The following SELENOM variants were observed in gnomAD, a reference collection of about 807,000 sequenced individuals.
The protein encoded by SELENOM is selenoprotein SelM.
Under a neutral mutation model 14.5 loss-of-function variants are expected in SELENOM, and 17 were observed. That is an observed-to-expected ratio of 1.17 (90% CI 0.80 to 1.76). The LOEUF is 1.76. SELENOM is among the 40% of genes most tolerant of loss of function. The pLI, the probability that SELENOM is intolerant of heterozygous loss-of-function variation, is 0.00. For missense variants in SELENOM, 230 were observed against 204.6 expected (o/e 1.12, Z -0.76); for synonymous variants, 102 against 93.3 (o/e 1.09, Z -0.54).
Position 31,107,494 on chromosome 22 carries a change from C to T in SELENOM, c.12G>A (p.Leu4=), listed in dbSNP as rs1006996819. The change falls in exon 1 of 5, where the codon CTG becomes CTA. Residue 4 remains leucine, a synonymous_variant. Transcript: ENST00000400299. ...GCAGCAGCAGCGCCAGCGGAGGCAACAGGAGGCTCATCGGGACCCGGCCGC... is the reference window on the plus strand; with the variant it reads ...GCAGCAGCAGCGCCAGCGGAGGCAATAGGAGGCTCATCGGGACCCGGCCGC... MSL[L]LPPLALLLLL... The T allele has an allele frequency of 6.4e-7, 1 of 1,552,248 alleles. No homozygotes were observed. Among genetic ancestry groups the T allele is most frequent in the Non-Finnish European group, 8.7e-7 (1 of 1,151,054 alleles).
chr22:31,105,565 C>A, intron 3 of SELENOM, 93 bp downstream of exon 3: 1 of 1,280,880 alleles, frequency 7.8e-7, no homozygotes, highest in South Asian at 1.2e-5. Flanking sequence ...TTCAACTTGT[C>A]AGTTGAAAAC....
Position 31,105,264 on chromosome 22 carries a change from G to A in SELENOM, c.223C>T (p.Leu75Phe). The A allele has an allele frequency of 6.2e-7, 1 of 1,612,486 alleles. No homozygotes were observed. The highest frequency in any genetic ancestry group is 8.5e-7 in the Non-Finnish European group (1 of 1,179,466). The change falls in exon 4 of 5, where the codon CTC becomes TTC. Residue 75 changes from leucine to phenylalanine, a missense_variant. By Grantham distance (22) the Leu-to-Phe change is conservative. Transcript: ENST00000400299. ...ACGAGCTCAGGGTCGGCCCCAGGGA[G>A]GTGTTTCATCACCAGGTTGTGACTG... Reference protein sequence around the residue: ...PFYHNLVMKHLPGADPELVLL... With the variant: ...PFYHNLVMKHFPGADPELVLL...
At chr22:31,106,077 G>A (rs1490432607) in intron 1 of SELENOM, 112 bp from the exon 2 acceptor site, 5 of 938,784 alleles carry the variant, frequency 5.3e-6, no homozygotes, top group Admixed American at 3.6e-5. Flanking sequence ...AGTTATCCCC[G>A]GATCAGCAGT....
chr22:31,104,900 G>C lies in SELENOM; in HGVS notation c.*70C>G. 5 of 1,441,820 alleles carry C rather than the reference G, an allele frequency of 3.5e-6. No homozygotes were observed. Among genetic ancestry groups the C allele is most frequent in the Non-Finnish European group, 4.6e-6 (5 of 1,085,802 alleles). The allele number at this position is 1,441,820 out of a possible 1,614,324, so 89.3% of individuals were successfully genotyped here. ...GCTCTCAGCAAGAGAAGTATTCCCG[G>C]GATGCTGAGCGCTTCATTCTGTCTC... is the stretch of plus-strand genomic sequence containing the variant. On this transcript the variant is annotated 3_prime_UTR_variant, in exon 5 of 5. Coordinates refer to ENST00000400299, the MANE Select transcript of SELENOM (RefSeq NM_080430.4).
rs1446903046 is a variant in SELENOM at position 31,107,448 on chromosome 22, G to A, written c.58C>T (p.Pro20Ser). 7 of 1,568,626 alleles carry A rather than the reference G, an allele frequency of 4.5e-6. No individual in the cohort carries two copies. The highest frequency in any genetic ancestry group is 6.0e-6 in the Non-Finnish European group (7 of 1,159,322). ...CGGTAGGCAGTGGCGGCTGTGGCTGGGGCCACAAGCGCCGCGAGAAGCAGC... is the reference window on the plus strand; with the variant it reads ...CGGTAGGCAGTGGCGGCTGTGGCTGAGGCCACAAGCGCCGCGAGAAGCAGC... The part of the protein sequence containing the change: ...LLLLLAALVA[P>S]ATAATAYRPD... The change falls in exon 1 of 5, where the codon CCA becomes TCA. Residue 20 changes from proline to serine, a missense_variant. By Grantham distance (74) the Pro-to-Ser change is moderately conservative. Transcript: ENST00000400299.
intron 1 of SELENOM, 170 bp downstream of exon 1, chr22:31,107,207 G>T: frequency 2.4e-6 from 2 of 821,736 alleles, no homozygotes; most frequent in Non-Finnish European, 3.6e-6. Context: ...CTTCCACGGT[G>T]GATGCTGGGG....
At chr22:31,105,746 G>A in intron 2 of SELENOM, 54 bp from the exon 3 acceptor site, 1 of 1,596,630 alleles carries the variant, frequency 6.3e-7, no homozygotes, top group South Asian at 1.1e-5. Flanking sequence ...TCGAGGTACA[G>A]ACGAGACACT....
chr22:31,105,899 C>T (rs1171049378), intron 2 of SELENOM, 31 bp downstream of exon 2: 3 of 1,611,324 alleles, frequency 1.9e-6, no homozygotes, highest in South Asian at 1.1e-5. Flanking sequence ...TCAGGGGGAA[C>T]AGAGCTAGGG....
Position 31,105,033 on chromosome 22 carries a change from G to A in SELENOM, c.375C>T (p.Pro125=), listed in dbSNP as rs765494644. 9 of 1,611,410 alleles carry A rather than the reference G, an allele frequency of 5.6e-6. No individual in the cohort carries two copies. Among genetic ancestry groups the A allele is most frequent in the Middle Eastern group, 1.7e-4 (1 of 6,044 alleles). Residue 125 remains proline, a synonymous_variant, in exon 5 of 5, where the codon CCC becomes CCT. Transcript: ENST00000400299. ...TCGCGGGCGCCCACACGTACTCGGG[G>A]GGCACCTGCGCGTCGGGCGCCGCCT... ...YRKAAPDAQV[P]PEYVWAPAKP... is the part of the protein sequence containing the mutation.
chr22:31,107,492 A>G lies in SELENOM; in HGVS notation c.14T>C (p.Leu5Ser). 3 of 1,553,588 alleles carry G rather than the reference A, an allele frequency of 1.9e-6. No homozygotes were observed. The highest frequency in any genetic ancestry group is 2.6e-6 in the Non-Finnish European group (3 of 1,151,634). ...AAGCAGCAGCAGCGCCAGCGGAGGC[A>G]ACAGGAGGCTCATCGGGACCCGGCC... is the stretch of plus-strand genomic sequence containing the variant. The part of the protein sequence containing the change: MSLL[L>S]PPLALLLLLA... Residue 5 changes from leucine to serine, a missense_variant, in exon 1 of 5, where the codon TTG becomes TCG. By Grantham distance (145) the Leu-to-Ser change is moderately radical. Transcript: ENST00000400299.
chr22:31,104,837 C>CT lies in SELENOM; in HGVS notation c.*132_*133insA, dbSNP rs2044368825. 9.6e-7 allele frequency: 1 copy of CT among 1,040,926 alleles called. No homozygotes were observed. Among genetic ancestry groups the CT allele is most frequent in the Non-Finnish European group, 1.3e-6 (1 of 741,850 alleles). The allele number at this position is 1,040,926 out of a possible 1,614,324, so 64.5% of individuals were successfully genotyped here. ...GAAGAAAGTGGGGTTGGGAGAACCT[C>CT]CCCAACCCCATCCCTGCTGGCCCGG... On this transcript the variant is annotated 3_prime_UTR_variant, in exon 5 of 5. Transcript: ENST00000400299.
At chr22:31,105,396 C>G in intron 3 of SELENOM, 110 bp from the exon 4 acceptor site, 2 of 1,158,982 alleles carry the variant, frequency 1.7e-6, no homozygotes, top group Non-Finnish European at 2.5e-6. Flanking sequence ...ACTCTGTGCC[C>G]GGGAGGGGCC....
At position 31,105,670 on chromosome 22, in the gene SELENOM, T is replaced by C; in HGVS notation, c.188A>G (p.Asp63Gly). Residue 63 changes from aspartate to glycine, a missense_variant, in exon 3 of 5, where the codon GAC becomes GGC. By Grantham distance (94) the Asp-to-Gly change is moderately conservative. Coordinates refer to ENST00000400299, the MANE Select transcript of SELENOM (RefSeq NM_080430.4). ...LKEVKAFVTQ[D>G]IPFYHNLVMK... ...AACAGAAGGATACTAGAATGGAATGTCCTGCGTGACGAAAGCCTTCACCTG... is the reference window on the plus strand; with the variant it reads ...AACAGAAGGATACTAGAATGGAATGCCCTGCGTGACGAAAGCCTTCACCTG... 6.2e-7 allele frequency: 1 copy of C among 1,614,080 alleles called. No individual in the cohort carries two copies. Among genetic ancestry groups the C allele is most frequent in the Non-Finnish European group, 8.5e-7 (1 of 1,179,954 alleles).
intron 3 of SELENOM, 34 bp from the exon 4 acceptor site, chr22:31,105,320 AG>A: frequency 6.3e-7 from 1 of 1,581,284 alleles, no homozygotes. Flanking sequence ...GGTGGTGGGC[AG>A]AGGGAGGTGG....
At position 31,105,095 on chromosome 22, in the gene SELENOM, TCTC is replaced by T. The variant is rs759285825; in HGVS notation, c.310_312del (p.Glu104del). On this transcript the variant is annotated inframe_deletion, in exon 5 of 5. Transcript: ENST00000400299. ...CCGAGCTCCTGCACTAGCGCATTGA[TCTC>T]TTCGCGGGTCATTTCACTGAGTGGG... 16 of 1,613,206 alleles carry T rather than the reference TCTC, an allele frequency of 9.9e-6. No homozygotes were observed. The highest frequency in any genetic ancestry group is 1.4e-5 in the Non-Finnish European group (16 of 1,179,824).
At position 31,105,930 on chromosome 22, in the gene SELENOM, C is replaced by T; in HGVS notation, c.165G>A (p.Glu55=). ...CGGUQLNRLK[E]VKAFVTQDIP... is the part of the protein sequence containing the mutation. ...TAGGGACCTCTTCCTTCAAACTCAC[C>T]TCCTTTAGGCGGTTCAGCTGTCATC... Residue 55 remains glutamate, a splice_region_variant and synonymous_variant, in exon 2 of 5, where the codon GAG becomes GAA. Coordinates refer to ENST00000400299, the MANE Select transcript of SELENOM (RefSeq NM_080430.4). 1 of 1,614,072 alleles carries T rather than the reference C, an allele frequency of 6.2e-7. No individual in the cohort carries two copies. Among genetic ancestry groups the T allele is most frequent in the Non-Finnish European group, 8.5e-7 (1 of 1,179,942 alleles).
At position 31,105,081 on chromosome 22, in the gene SELENOM, C is replaced by A. The variant is rs1419283478; in HGVS notation, c.327G>T (p.Val109=). 1.2e-6 allele frequency: 2 copies of A among 1,612,990 alleles called. No homozygotes were observed. Among genetic ancestry groups the A allele is most frequent in the Admixed American group, 3.3e-5 (2 of 59,894 alleles). ...EMTREEINAL[V]QELGFYRKAA... Reference sequence around the variant, plus strand: ...CCTTGCGGTAGAAGCCGAGCTCCTGCACTAGCGCATTGATCTCTTCGCGGG... The same window carrying A: ...CCTTGCGGTAGAAGCCGAGCTCCTGAACTAGCGCATTGATCTCTTCGCGGG... Residue 109 remains valine, a synonymous_variant, in exon 5 of 5, where the codon GTG becomes GTT. Transcript: ENST00000400299.
rs1370769263 is a variant in SELENOM, at chr22:31,107,456, A to G, written c.50T>C (p.Leu17Pro). 9.6e-6 allele frequency: 15 copies of G among 1,563,278 alleles called. No homozygotes were observed. The highest frequency in any genetic ancestry group is 2.4e-5 in the East Asian group (1 of 42,366). Residue 17 changes from leucine (L) to proline (P), a missense_variant, in exon 1 of 5, where the codon CTT becomes CCT. Physicochemically the swap from Leu to Pro is moderately conservative, Grantham distance 98 (BLOSUM62 -3). Transcript: ENST00000400299. ...PLALLLLLAA[L>P]VAPATAATAY... ...AGTGGCGGCTGTGGCTGGGGCCACA[A>G]GCGCCGCGAGAAGCAGCAGCAGCGC... is the stretch of plus-strand genomic sequence containing the variant.
chr22:31,105,120 T>G lies in SELENOM; in HGVS notation c.288A>C (p.Pro96=). Residue 96 remains proline, a synonymous_variant, in exon 5 of 5, where the codon CCA becomes CCC. Transcript: ENST00000400299. ...GRRYEELERI[P]LSEMTREEIN... is the part of the protein sequence containing the mutation. ...TCTCTTCGCGGGTCATTTCACTGAG[T>G]GGGATGCGCTGAGGCGGAGGAGGGG... 6.2e-7 allele frequency: 1 copy of G among 1,613,320 alleles called. No individual in the cohort carries two copies. Among genetic ancestry groups the G allele is most frequent in the South Asian group, 1.1e-5 (1 of 91,082 alleles).
Sources: gnomAD v4.1 joint callset for allele counts on GRCh38, gnomAD v4.1.1 for gene constraint, MANE v1.5 for transcripts, NCBI Gene and HGNC (gene_info 2026-07-23, HGNC 2026-07-21) for gene names.